TTC28: variants seen among roughly 807,000 people sequenced by gnomAD.
The protein encoded by TTC28 is tetratricopeptide repeat domain 28.
A neutral mutation model predicts 198.0 loss-of-function variants in TTC28; 61 were observed. The ratio of observed to expected loss-of-function variants is 0.31; its 90% CI spans 0.25 to 0.38. The LOEUF (loss-of-function observed/expected upper bound fraction) is 0.38. TTC28 is among the 10% of genes least tolerant of loss of function. The probability of loss-of-function intolerance (pLI) is 1.00; values close to 1 mark genes in which losing one functional copy is unlikely to be tolerated. For synonymous variants in TTC28, 1,171 were observed against 1,297.8 expected, an observed-to-expected ratio of 0.90 and a Z score of 2.10; for missense variants, 2,678 against 3,164.0, an observed-to-expected ratio of 0.85 and a Z score of 3.69.
chr22:28,016,963 A>T (rs1938403016), intron 13 of TTC28, among the ~76,000 whole-genome samples: 1 of 152,240 alleles, frequency 6.6e-6, no homozygotes, highest in Non-Finnish European at 1.5e-5. Flanking sequence ...AGTGCCAGGG[A>T]AAGGCTGGAG....
At chr22:28,330,096 G>A (rs1232114021) in intron 2 of TTC28, among the ~76,000 whole-genome samples, 1 of 152,122 alleles carries the variant, frequency 6.6e-6, no homozygotes, top group East Asian at 1.9e-4. Context: ...AGCAGGGATG[G>A]GGCAAATGAA....
intron 1 of TTC28, among the ~76,000 whole-genome samples, chr22:28,673,219 A>T (rs1210391592): frequency 6.6e-6 from 1 of 152,172 alleles, no homozygotes; most frequent in Non-Finnish European, 1.5e-5. Context: ...CTAAAAATAC[A>T]AAAATTTAGC....
Position 27,982,352 on chromosome 22 carries a change from T to C in TTC28, c.7315A>G (p.Thr2439Ala). 3 of 1,545,526 alleles carry C rather than the reference T, an allele frequency of 1.9e-6. No individual in the cohort carries two copies. Among genetic ancestry groups the C allele is most frequent in the Non-Finnish European group, 2.6e-6 (3 of 1,143,670 alleles). ...GGCAGCGGCAGTGAGCCCAGCGAGG[T>C]GGTCTCGGTGCGCCAGTGTCCGTTG... ...PPNGHWRTETTSLGSLPLPAG... is the reference protein window; with the variant it reads ...PPNGHWRTETASLGSLPLPAG... Residue 2439 changes from threonine (T) to alanine (A), a missense_variant, in exon 23 of 23, where the codon ACC becomes GCC. Coordinates refer to ENST00000397906, the MANE Select transcript of TTC28 (RefSeq NM_001145418.2). This position sits in a 1 kb window ranked among gnomAD's most constrained non-coding sequence, Gnocchi z 5.2.
chr22:28,094,138 G>C lies in TTC28; in HGVS notation c.3874C>G (p.Leu1292Val), dbSNP rs1338956135. 3.2e-6 allele frequency: 5 copies of C among 1,551,528 alleles called. No individual in the cohort carries two copies. The highest frequency in any genetic ancestry group is 4.9e-5 in the East Asian group (2 of 40,930). Residue 1292 changes from leucine to valine, a missense_variant, in exon 12 of 23, where the codon CTG becomes GTG. Leu to Val is a conservative substitution (Grantham distance 32). This residue lies in a region of TTC28 where 727 missense variants were observed against 861.9 expected (regional missense o/e 0.84). Coordinates refer to ENST00000397906, the MANE Select transcript of TTC28 (RefSeq NM_001145418.2). ...VTLPTATGSA[L>V]EQHIASVREA... is the part of the protein sequence containing the mutation. ...CGGACACTGGCAATGTGCTGCTCCAGGGCTGAGCCGGTTGCTGTTGGAAGG... is the reference window on the plus strand; with the variant it reads ...CGGACACTGGCAATGTGCTGCTCCACGGCTGAGCCGGTTGCTGTTGGAAGG...
chr22:28,184,530 G>A (rs1924008020), intron 5 of TTC28, among the ~76,000 whole-genome samples: 2 of 151,902 alleles, frequency 1.3e-5, no homozygotes, highest in South Asian at 4.2e-4. Flanking sequence ...GTTCACTGAA[G>A]AAAAATTAAA....
At chr22:28,466,581 T>G (rs2048023202) in intron 2 of TTC28, among the ~76,000 whole-genome samples, 1 of 152,178 alleles carries the variant, frequency 6.6e-6, no homozygotes, top group Non-Finnish European at 1.5e-5. Context: ...GCACAGTGTG[T>G]GATTAATCCT....
chr22:28,412,134 C>T (rs1316740266), intron 2 of TTC28, among the ~76,000 whole-genome samples: 16 of 152,164 alleles, frequency 1.1e-4, no homozygotes, highest in Admixed American at 1.0e-3. Flanking sequence ...CAAATATATG[C>T]CTTGCTAAAG....
chr22:28,259,811 A>G (rs571262121), intron 5 of TTC28, among the ~76,000 whole-genome samples: 20 of 152,290 alleles, frequency 1.3e-4, no homozygotes, highest in Admixed American at 3.3e-4. Context: ...TTTTAAAGAC[A>G]CTTAGATATT....
intron 6 of TTC28, among the ~76,000 whole-genome samples, chr22:28,113,129 C>A (rs559689652): frequency 6.6e-6 from 1 of 152,250 alleles, no homozygotes; most frequent in Admixed American, 6.5e-5. Context: ...GTGTGAGCTG[C>A]ACAAGCCAAG....
chr22:27,998,518 C>A, intron 16 of TTC28, 22 bp downstream of exon 16: 1 of 1,537,964 alleles, frequency 6.5e-7, no homozygotes, highest in Non-Finnish European at 8.8e-7. Flanking sequence ...TGACAGGCAC[C>A]CGCAGCCAGC....
In TTC28 at chr22:28,610,563, C is replaced by T. The variant is rs2050803187; in HGVS notation, c.381+18989G>A. Among the ~76,000 whole-genome samples the T allele has an allele frequency of 2.0e-5, 3 of 151,928 alleles. No homozygotes were observed. In the South Asian group the frequency reaches 6.2e-4, roughly 31 times the overall value. ...CAACATCAACAAAAAAGGACGTCCA[C>T]TTGGAGACACCATCAAAGACCAAAG... On this transcript the variant is annotated intron_variant, in intron 2 of 22. Transcript: ENST00000397906.
chr22:28,169,959 ACTT>A (rs1230984174), intron 5 of TTC28, among the ~76,000 whole-genome samples: 1 of 152,134 alleles, frequency 6.6e-6, no homozygotes, highest in African/African-American at 2.4e-5. Flanking sequence ...TGCTAATCGT[ACTT>A]CTATCAGTTT....
In TTC28 at chr22:28,470,756, C is replaced by T. The variant is rs543297510; in HGVS notation, c.381+158796G>A. ...AGAAGGAAGTTACAAGAAACTGGAA[C>T]GTAAAACAGCCGTCTGAGAAGGCAA... On this transcript the variant is annotated intron_variant, in intron 2 of 22. Coordinates refer to ENST00000397906, the MANE Select transcript of TTC28 (RefSeq NM_001145418.2). Among the ~76,000 whole-genome samples the T allele has an allele frequency of 4.6e-5, 7 of 152,126 alleles. No homozygotes were observed. The South Asian group carries it at 1.0e-3, about 23-fold the overall frequency.
intron 5 of TTC28, among the ~76,000 whole-genome samples, chr22:28,165,447 A>T (rs1351231441): frequency 1.3e-5 from 2 of 151,732 alleles, no homozygotes; most frequent in Non-Finnish European, 2.9e-5. Flanking sequence ...GGTTACCCAC[A>T]AAGGGAAGCC....
At chr22:28,261,080 T>G (rs571327106) in intron 5 of TTC28, among the ~76,000 whole-genome samples, 1 of 152,266 alleles carries the variant, frequency 6.6e-6, no homozygotes, top group African/African-American at 2.4e-5. Flanking sequence ...TAAAAACCTG[T>G]AACTTTCTTC....
intron 3 of TTC28, among the ~76,000 whole-genome samples, chr22:28,298,929 C>T (rs1353066128): frequency 2.6e-5 from 4 of 152,004 alleles, no homozygotes; most frequent in African/African-American, 9.7e-5. Flanking sequence ...TTCTTGTGGT[C>T]ATAAATGAAA....
chr22:27,982,096 G>T lies in TTC28; in HGVS notation c.*125C>A. 2.0e-6 allele frequency: 2 copies of T among 1,017,534 alleles called. No homozygotes were observed. Among genetic ancestry groups the T allele is most frequent in the Non-Finnish European group, 2.7e-6 (2 of 727,580 alleles). 63.0% of individuals were successfully genotyped at this position (1,017,534 alleles called of 1,614,324 possible). On this transcript the variant is annotated 3_prime_UTR_variant, in exon 23 of 23. Coordinates refer to ENST00000397906, the MANE Select transcript of TTC28 (RefSeq NM_001145418.2). The surrounding 1 kb of genome is among the most constrained non-coding windows in gnomAD (Gnocchi z 5.2). ...GCCTTTGGACGTGGTGGTGCCCCTC[G>T]CCTGCAGAGCACAGCATCATGAGGG...
intron 5 of TTC28, among the ~76,000 whole-genome samples, chr22:28,262,666 G>A (rs1931406224): frequency 6.6e-6 from 1 of 152,132 alleles, no homozygotes; most frequent in Admixed American, 6.6e-5. Context: ...CTAATGAAGA[G>A]ACTAAACTGA....
At chr22:28,119,549 G>T (rs191467964) in intron 6 of TTC28, among the ~76,000 whole-genome samples, 1 of 152,360 alleles carries the variant, frequency 6.6e-6, no homozygotes, top group East Asian at 1.9e-4. Flanking sequence ...GAGTGTGTAG[G>T]TAGGGGAGGA....
Sources: allele counts gnomAD v4.1 joint callset (sites outside exome capture counted in the v4.1 genomes callset), GRCh38; gene constraint gnomAD v4.1.1; regional missense constraint gnomAD v4.1.1; non-coding constraint Gnocchi (gnomAD v3.1); transcripts MANE v1.5; gene names NCBI Gene and HGNC (gene_info 2026-07-23, HGNC 2026-07-21).